Variants in FBN1 observed in about 807,000 individuals in gnomAD.
FBN1 encodes fibrillin 1.
In FBN1, 29 loss-of-function variants were observed where a neutral mutation model predicts 365.1. The observed-to-expected ratio is 0.08, with a 90% CI of 0.06 to 0.11. FBN1 has a LOEUF of 0.11. Ranked by LOEUF, FBN1 falls within the 10% of genes least tolerant of loss-of-function variation. The pLI, the probability that FBN1 is intolerant of heterozygous loss-of-function variation, is 1.00. For synonymous variants in FBN1, 1,210 were observed against 1,270.5 expected (o/e 0.95, Z 1.01); for missense variants, 2,476 against 3,703.2 (o/e 0.67, Z 8.60).
chr15:48,566,778 A>G (rs1468835841), intron 6 of FBN1, among the ~76,000 whole-genome samples: 1 of 152,258 alleles, frequency 6.6e-6, no homozygotes, highest in Non-Finnish European at 1.5e-5. Context: ...TCACAGGCCA[A>G]GAAAAACAAC....
intron 2 of FBN1, among the ~76,000 whole-genome samples, chr15:48,640,502 C>T (rs1035320159): frequency 1.3e-5 from 2 of 152,142 alleles, no homozygotes; most frequent in East Asian, 3.9e-4. Flanking sequence ...TCTGTATTCC[C>T]TATTACAGTT....
At chr15:48,504,678 C>T (rs2043693555) in intron 16 of FBN1, among the ~76,000 whole-genome samples, 1 of 152,148 alleles carries the variant, frequency 6.6e-6, no homozygotes, top group South Asian at 2.1e-4. Context: ...CCATGGACAT[C>T]AATTCTCTAT....
intron 50 of FBN1, among the ~76,000 whole-genome samples, chr15:48,439,681 C>A (rs1450340197): frequency 6.6e-6 from 1 of 151,966 alleles, no homozygotes; most frequent in East Asian, 1.9e-4. Flanking sequence ...TATTAAAATT[C>A]TCATTCTCTT....
At chr15:48,581,377 T>C (rs2044390859) in intron 6 of FBN1, among the ~76,000 whole-genome samples, 1 of 152,186 alleles carries the variant, frequency 6.6e-6, no homozygotes, top group Non-Finnish European at 1.5e-5. Flanking sequence ...ATGCCTGGTC[T>C]ACTTTCACAG....
At chr15:48,644,516 G>T (rs937228535) in intron 2 of FBN1, 90 bp downstream of exon 2, 1 of 1,585,540 alleles carries the variant, frequency 6.3e-7, no homozygotes, top group African/African-American at 1.3e-5. Context: ...TCTTGCCAAG[G>T]AGTCTTCCAC....
intron 2 of FBN1, among the ~76,000 whole-genome samples, chr15:48,633,885 C>T (rs141908947): frequency 1.3e-5 from 2 of 152,318 alleles, no homozygotes; most frequent in Non-Finnish European, 2.9e-5. Flanking sequence ...TCAGCTTCCA[C>T]ACCTACGAAC....
At chr15:48,463,544 T>C (rs1366011495) in intron 41 of FBN1, among the ~76,000 whole-genome samples, 1 of 152,252 alleles carries the variant, frequency 6.6e-6, no homozygotes, top group East Asian at 1.9e-4. Flanking sequence ...AATTCCCTAC[T>C]GCCATTTGGC....
Position 48,621,289 on chromosome 15 carries a change from G to A in FBN1, c.165-8197C>T, listed in dbSNP as rs370307690. 2.6e-5 allele frequency among the ~76,000 whole-genome samples: 4 copies of A among 152,228 alleles called. No individual in the cohort carries two copies. In the East Asian group the frequency reaches 7.7e-4, roughly 29 times the overall value. ...CAGTATAAAGGGAGGGGGAGGAAGT[G>A]GAAAATCCTGACAAATCCTATCTCA... On this transcript the variant is annotated intron_variant, in intron 2 of 65. Coordinates refer to ENST00000316623, the MANE Select transcript of FBN1 (RefSeq NM_000138.5).
At chr15:48,450,574 G>C (rs894071903) in intron 45 of FBN1, among the ~76,000 whole-genome samples, 1 of 152,192 alleles carries the variant, frequency 6.6e-6, no homozygotes, top group Admixed American at 6.5e-5. Context: ...GAAACCACAA[G>C]GAAGTAGCTG....
intron 46 of FBN1, among the ~76,000 whole-genome samples, chr15:48,447,801 C>A (rs755030577): frequency 2.6e-5 from 4 of 152,230 alleles, no homozygotes; most frequent in Non-Finnish European, 5.9e-5. Flanking sequence ...CTATTGCTAA[C>A]CCAAAGGGAC....
intron 35 of FBN1, 124 bp from the exon 36 acceptor site, chr15:48,470,880 G>C (rs1051804617): frequency 4.9e-5 from 53 of 1,084,858 alleles, no homozygotes; most frequent in Non-Finnish European, 6.9e-5. Flanking sequence ...ACCAATCTGG[G>C]CACTTCTCCT....
chr15:48,433,064 C>CTT, intron 54 of FBN1, 76 bp from the exon 55 acceptor site: 1 of 1,555,678 alleles, frequency 6.4e-7, no homozygotes, highest in Non-Finnish European at 8.8e-7. Flanking sequence ...AACTAAAACT[C>CTT]TAAAACTTTA....
At chr15:48,435,933 T>C (rs2043069108) in intron 53 of FBN1, among the ~76,000 whole-genome samples, 1 of 152,000 alleles carries the variant, frequency 6.6e-6, no homozygotes, top group Admixed American at 6.6e-5. Flanking sequence ...ATATTTTAGC[T>C]ATCTAAGGCA....
intron 6 of FBN1, among the ~76,000 whole-genome samples, chr15:48,574,705 A>C (rs1439632943): frequency 2.0e-5 from 3 of 152,232 alleles, no homozygotes; most frequent in Non-Finnish European, 4.4e-5. Flanking sequence ...AGATTCCAAG[A>C]AATGTTAATA....
intron 17 of FBN1, among the ~76,000 whole-genome samples, chr15:48,503,022 G>A (rs554294728): frequency 6.8e-4 from 103 of 152,004 alleles, no homozygotes; most frequent in Admixed American, 2.8e-3. Context: ...ACACCGGTCC[G>A]GGCGCGGTGG....
At chr15:48,641,330 G>A (rs771818761) in intron 2 of FBN1, 5 of 152,058 alleles carry the variant, frequency 3.3e-5, no homozygotes, top group East Asian at 3.8e-4. Context: ...CTGCAACAGG[G>A]GGGGAGGAGA....
At chr15:48,521,490 T>C (rs2043854457) in intron 9 of FBN1, among the ~76,000 whole-genome samples, 1 of 152,202 alleles carries the variant, frequency 6.6e-6, no homozygotes, top group East Asian at 1.9e-4. Context: ...TAGGATACAA[T>C]AGCTCTAGAA....
chr15:48,434,317 G>A (rs780170119), intron 54 of FBN1, among the ~76,000 whole-genome samples: 6 of 152,090 alleles, frequency 3.9e-5, no homozygotes, highest in South Asian at 2.1e-4. Flanking sequence ...TAAACAACAC[G>A]GAAGCATCTA....
rs113900400 is a variant in FBN1, at chr15:48,513,740, C to T, written c.1469-72G>A. 4.1e-5 allele frequency: 64 copies of T among 1,548,338 alleles called. 1 individual carries two copies. The African/African-American group carries it at 6.1e-4, about 15-fold the overall frequency. On this transcript the variant is annotated intron_variant, in intron 12 of 65. Transcript: ENST00000316623. ...CATAATTCTAAGACTTTCTGGGTTC[C>T]TTTTATACATATAAAACATTTTCCT...
Sources: allele counts gnomAD v4.1 joint callset (sites outside exome capture counted in the v4.1 genomes callset), GRCh38; gene constraint gnomAD v4.1.1; transcripts MANE v1.5; gene names NCBI Gene and HGNC (gene_info 2026-07-23, HGNC 2026-07-21).